NLGN4Y: variants seen among roughly 807,000 people sequenced by gnomAD.
The protein encoded by NLGN4Y is neuroligin 4 Y-linked.
NLGN4Y carries 4 observed loss-of-function variants against 8.4 expected under a neutral mutation model. That is an observed-to-expected ratio of 0.48 (90% confidence interval 0.23 to 1.09). The LOEUF is 1.09. Among genes scored for constraint, NLGN4Y ranks in the 50% least tolerant of loss-of-function variants. The probability of loss-of-function intolerance (pLI) is 0.19; values close to 1 mark genes in which losing one functional copy is unlikely to be tolerated. For synonymous variants in NLGN4Y, 35 were observed against 75.6 expected (o/e 0.46, Z 2.78); for missense variants, 90 against 192.3 (o/e 0.47, Z 3.15).
intron 1 of NLGN4Y, among the ~76,000 whole-genome samples, chrY:14,545,176 A>G: frequency 6.0e-5 from 2 of 33,098 alleles, no homozygotes; most frequent in Admixed American, 2.8e-4. Context: ...AATCCAGTCT[A>G]TCATTGTTGG....
At chrY:14,569,553 A>G (rs932240014) in intron 1 of NLGN4Y, among the ~76,000 whole-genome samples, 9 of 33,272 alleles carry the variant, frequency 2.7e-4, no homozygotes, top group African/African-American at 1.2e-4. Flanking sequence ...TGTTTTTGCT[A>G]TTGTGAATAT....
rs376276647 is a variant in NLGN4Y, at chrY:14,769,075, A to C, written c.685+45806A>C. Among the ~76,000 whole-genome samples the C allele has an allele frequency of 4.8e-4, 16 of 33,504 alleles. No individual in the cohort carries two copies. The East Asian group carries it at 0.012, about 24-fold the overall frequency. 89.9% of individuals were successfully genotyped at this position (33,504 alleles called of 37,273 possible). A position where few individuals can be genotyped will look rare whatever the true frequency, so the allele number is the denominator to read the frequency against. On this transcript the variant is annotated intron_variant, in intron 4 of 6. Transcript: ENST00000684976. The stretch of plus-strand genomic sequence containing the variant: ...TGTCCTACACAAGATGGGTTAAATC[A>C]AAGCTTTTTCTTTGTGGGAGAAGAT...
intron 2 of NLGN4Y, among the ~76,000 whole-genome samples, chrY:14,718,099 T>C: frequency 2.9e-5 from 1 of 33,980 alleles, no homozygotes; most frequent in Non-Finnish European, 7.3e-5. Context: ...TTCATTTATA[T>C]GAAATGCCTA....
chrY:14,713,044 G>A (rs2080904594), intron 2 of NLGN4Y, among the ~76,000 whole-genome samples: 1 of 33,404 alleles, frequency 3.0e-5, no homozygotes, highest in Non-Finnish European at 7.4e-5. Flanking sequence ...CCTCCCATAG[G>A]CAAATTGCCC....
chrY:14,808,868 A>T, intron 4 of NLGN4Y, among the ~76,000 whole-genome samples: 1 of 34,007 alleles, frequency 2.9e-5, no homozygotes, highest in Non-Finnish European at 7.3e-5. Context: ...AAAAGCAAGC[A>T]TTTCAAAATC....
chrY:14,681,275 A>C, intron 2 of NLGN4Y, among the ~76,000 whole-genome samples: 1 of 33,431 alleles, frequency 3.0e-5, no homozygotes, highest in African/African-American at 1.2e-4. Flanking sequence ...CAGAAGGTGA[A>C]AGGGAAGAAA....
intron 2 of NLGN4Y, among the ~76,000 whole-genome samples, chrY:14,659,565 G>C: frequency 6.0e-5 from 2 of 33,234 alleles, no homozygotes; most frequent in African/African-American, 2.4e-4. Context: ...TGCCTCCACA[G>C]AACAAGGGCT....
intron 1 of NLGN4Y, among the ~76,000 whole-genome samples, chrY:14,615,646 G>A (rs2080486245): frequency 3.0e-5 from 1 of 33,661 alleles, no homozygotes. Flanking sequence ...AGCTTATTGA[G>A]AATTTTTAGC....
intron 2 of NLGN4Y, among the ~76,000 whole-genome samples, chrY:14,635,043 T>C (rs922489346): frequency 6.0e-5 from 2 of 33,508 alleles, no homozygotes; most frequent in African/African-American, 2.3e-4. Flanking sequence ...TCCCTTTTTC[T>C]TCCTTAAAAA....
chrY:14,523,512 G>A, upstream of NLGN4Y: 1 of 120,411 alleles, frequency 8.3e-6, no homozygotes. Flanking sequence ...TGCAGTACAG[G>A]GGAAAAGGAG....
chrY:14,631,073 A>AT (rs2080546968), intron 2 of NLGN4Y, among the ~76,000 whole-genome samples: 2 of 31,514 alleles, frequency 6.3e-5, no homozygotes, highest in Non-Finnish European at 1.6e-4. Flanking sequence ...AGATATATAT[A>AT]TTTTTTTTTC....
chrY:14,562,106 C>A, intron 1 of NLGN4Y, among the ~76,000 whole-genome samples: 1 of 33,338 alleles, frequency 3.0e-5, no homozygotes, highest in Admixed American at 2.7e-4. Flanking sequence ...ACTTTTGTTG[C>A]CATTGCTTGT....
chrY:14,797,302 T>C, intron 4 of NLGN4Y, among the ~76,000 whole-genome samples: 1 of 30,053 alleles, frequency 3.3e-5, no homozygotes, highest in East Asian at 8.3e-4. Context: ...TCTTTTCTTT[T>C]TTTTTTTTTT....
At chrY:14,654,725 A>C (rs772303138) in intron 2 of NLGN4Y, among the ~76,000 whole-genome samples, 1 of 32,529 alleles carries the variant, frequency 3.1e-5, no homozygotes, top group Admixed American at 2.9e-4. Flanking sequence ...CAAACTTTTC[A>C]GTATCCACAA....
intron 2 of NLGN4Y, among the ~76,000 whole-genome samples, chrY:14,663,729 G>A (rs768681610): frequency 3.1e-5 from 1 of 32,180 alleles, no homozygotes; most frequent in Non-Finnish European, 7.6e-5. Flanking sequence ...AGAATCACTT[G>A]AACCCGGGAG....
At chrY:14,555,980 G>A (rs2150473220) in intron 1 of NLGN4Y, among the ~76,000 whole-genome samples, 1 of 32,052 alleles carries the variant, frequency 3.1e-5, no homozygotes, top group East Asian at 8.4e-4. Context: ...TGGTTAAACC[G>A]CATCTCTACT....
chrY:14,820,794 G>C, intron 4 of NLGN4Y, among the ~76,000 whole-genome samples: 1 of 33,285 alleles, frequency 3.0e-5, no homozygotes, highest in Non-Finnish European at 7.4e-5. Context: ...GGCGAGTCTC[G>C]CTTGTGCAAC....
intron 1 of NLGN4Y, among the ~76,000 whole-genome samples, chrY:14,550,240 A>G (rs968207390): frequency 5.9e-5 from 2 of 34,120 alleles, no homozygotes; most frequent in Non-Finnish European, 1.5e-4. Context: ...AATATGCACA[A>G]ATATGTTTTT....
intron 2 of NLGN4Y, among the ~76,000 whole-genome samples, chrY:14,697,492 T>TGATA (rs34461404): frequency 0.016 from 313 of 19,229 alleles, no homozygotes; most frequent in East Asian, 0.036. Context: ...AGCAGATAGG[T>TGATA]GATAGATAGA....
Sources: allele counts gnomAD v4.1 joint callset (sites outside exome capture counted in the v4.1 genomes callset), GRCh38; gene constraint gnomAD v4.1.1; transcripts MANE v1.5; gene names NCBI Gene and HGNC (gene_info 2026-07-23, HGNC 2026-07-21).